Variants in CLMP observed in about 807,000 individuals in gnomAD.
CLMP encodes CXADR-like membrane protein.
CLMP carries 27 observed loss-of-function variants against 45.2 expected under a neutral mutation model. The observed-to-expected ratio is 0.60, with a 90% CI of 0.44 to 0.82. The LOEUF is 0.82. CLMP is among the 40% of genes least tolerant of loss of function. The pLI is 0.00. For missense variants in CLMP, 403 were observed against 448.4 expected, an observed-to-expected ratio of 0.90 and a Z score of 0.91; for synonymous variants, 167 against 171.4, an observed-to-expected ratio of 0.97 and a Z score of 0.20.
chr11:123,105,047 G>A (rs1433043959), intron 1 of CLMP, among the ~76,000 whole-genome samples: 1 of 152,192 alleles, frequency 6.6e-6, no homozygotes, highest in Non-Finnish European at 1.5e-5. Context: ...CAGGGAAGCC[G>A]CAAGCTCTCC....
In CLMP at chr11:123,195,089, C is replaced by T; in HGVS notation, c.-149G>A. ...AGCCATGTGCCGGGCGGGAGCCGGC[C>T]CCGCGCCCCGTGCCCCTGGGGGCAG... is the stretch of plus-strand genomic sequence containing the variant. On this transcript the variant is annotated 5_prime_UTR_variant, in exon 1 of 7. Coordinates refer to ENST00000448775, the MANE Select transcript of CLMP (RefSeq NM_024769.5). 3.7e-6 allele frequency: 2 copies of T among 546,278 alleles called. No homozygotes were observed. The highest frequency in any genetic ancestry group is 2.7e-6 in the Non-Finnish European group (1 of 370,784). 33.8% of individuals were successfully genotyped at this position (546,278 alleles called of 1,614,324 possible).
intron 1 of CLMP, among the ~76,000 whole-genome samples, chr11:123,130,496 C>G (rs970295197): frequency 4.6e-5 from 7 of 152,122 alleles, no homozygotes; most frequent in Admixed American, 6.5e-5. Context: ...TTAAGCAAGT[C>G]AGGAGGGAGA....
At chr11:123,073,876 T>C (rs1049803379) in intron 6 of CLMP, 102 bp from the exon 7 acceptor site, 1 of 1,278,114 alleles carries the variant, frequency 7.8e-7, no homozygotes, top group South Asian at 1.5e-5. Context: ...CCTCAGATAA[T>C]ACCATCGGAA....
In CLMP at chr11:123,115,073, G is replaced by A. The variant is rs553309272; in HGVS notation, c.29-17121C>T. ...AAAGTATATATTGAGACAGGGTCTCGCTCTGTTGCCCAGGCTGAAGTGCAG... is the reference window on the plus strand; with the variant it reads ...AAAGTATATATTGAGACAGGGTCTCACTCTGTTGCCCAGGCTGAAGTGCAG... On this transcript the variant is annotated intron_variant, in intron 1 of 6. Coordinates refer to ENST00000448775, the MANE Select transcript of CLMP (RefSeq NM_024769.5). Among the ~76,000 whole-genome samples the A allele has an allele frequency of 4.6e-5, 7 of 152,176 alleles. No homozygotes were observed. The South Asian group carries it at 6.2e-4, about 14-fold the overall frequency.
chr11:123,123,831 C>T (rs1481809499), intron 1 of CLMP, among the ~76,000 whole-genome samples: 1 of 152,166 alleles, frequency 6.6e-6, no homozygotes, highest in East Asian at 1.9e-4. Flanking sequence ...ACAAAATTGA[C>T]ACTACCTCTA....
rs1282699520 is a variant in CLMP, at chr11:123,073,204, T to C, written c.*270A>G. 5.8e-6 allele frequency: 2 copies of C among 345,512 alleles called. No individual in the cohort carries two copies. Among genetic ancestry groups the C allele is most frequent in the Non-Finnish European group, 1.0e-5 (2 of 191,528 alleles). The allele number at this position is 345,512 out of a possible 1,614,324, so 21.4% of individuals were successfully genotyped here. A position where few individuals can be genotyped will look rare whatever the true frequency, so the allele number is the denominator to read the frequency against. ...TCCCCAACCTTCTCACCACAGGTCC[T>C]GGTCAACAAATAGATTTGGACTCCT... On this transcript the variant is annotated 3_prime_UTR_variant, in exon 7 of 7. Transcript: ENST00000448775.
chr11:123,193,288 C>G (rs565224978), intron 1 of CLMP, among the ~76,000 whole-genome samples: 61 of 152,370 alleles, frequency 4.0e-4, no homozygotes, highest in African/African-American at 1.3e-3. Context: ...ACAAGGATGG[C>G]TGGGCAGCCA....
chr11:123,153,298 C>T (rs1861367630), intron 1 of CLMP, among the ~76,000 whole-genome samples: 1 of 152,170 alleles, frequency 6.6e-6, no homozygotes, highest in Non-Finnish European at 1.5e-5. Flanking sequence ...CTCTCCAAGA[C>T]GGAGGGCTCA....
intron 5 of CLMP, among the ~76,000 whole-genome samples, chr11:123,080,619 G>A (rs953285176): frequency 5.3e-5 from 8 of 152,060 alleles, no homozygotes; most frequent in Non-Finnish European, 1.0e-4. Flanking sequence ...GAGCCACTGC[G>A]CCTCGACAAA....
At chr11:123,086,093 G>A (rs1439267713) in intron 2 of CLMP, among the ~76,000 whole-genome samples, 1 of 150,032 alleles carries the variant, frequency 6.7e-6, no homozygotes, top group African/African-American at 2.5e-5. Context: ...TTTTATTTTA[G>A]TAGAGATGGG....
At chr11:123,108,165 C>T (rs1407138122) in intron 1 of CLMP, among the ~76,000 whole-genome samples, 1 of 152,170 alleles carries the variant, frequency 6.6e-6, no homozygotes, top group Non-Finnish European at 1.5e-5. Flanking sequence ...CTGCCATTTG[C>T]TTTCCCAATC....
intron 1 of CLMP, among the ~76,000 whole-genome samples, chr11:123,156,824 A>T (rs1435105571): frequency 6.6e-6 from 1 of 152,238 alleles, no homozygotes; most frequent in Non-Finnish European, 1.5e-5. Context: ...GCAGCAGTGC[A>T]CATGGCTGCA....
intron 1 of CLMP, among the ~76,000 whole-genome samples, chr11:123,187,959 A>G (rs1420034274): frequency 6.6e-6 from 1 of 152,228 alleles, no homozygotes; most frequent in East Asian, 1.9e-4. Context: ...TATCAGACAC[A>G]GTCCCCGAAG....
At chr11:123,184,775 T>C (rs1218572908) in intron 1 of CLMP, among the ~76,000 whole-genome samples, 1 of 152,196 alleles carries the variant, frequency 6.6e-6, no homozygotes, top group Non-Finnish European at 1.5e-5. Flanking sequence ...GCCAACCTTC[T>C]CCTGGAACGG....
At chr11:123,098,402 A>AT (rs1866015404) in intron 1 of CLMP, among the ~76,000 whole-genome samples, 1 of 151,702 alleles carries the variant, frequency 6.6e-6, no homozygotes, top group Admixed American at 6.6e-5. Context: ...TAATTTTTGT[A>AT]TTTTTAGTAG....
intron 1 of CLMP, among the ~76,000 whole-genome samples, chr11:123,138,034 G>A (rs1360986040): frequency 6.6e-6 from 1 of 150,890 alleles, no homozygotes; most frequent in Non-Finnish European, 1.5e-5. Context: ...GAAACCCTCA[G>A]GGCCCGGGGC....
chr11:123,085,873 T>C (rs1209871720), intron 2 of CLMP, among the ~76,000 whole-genome samples: 1 of 150,766 alleles, frequency 6.6e-6, no homozygotes, highest in African/African-American at 2.4e-5. Context: ...GTCTCCTGGG[T>C]TCAAGCAATT....
In CLMP at chr11:123,073,735, G is replaced by A. The variant is rs746631557; in HGVS notation, c.861C>T (p.Pro287=). 1.2e-6 allele frequency: 2 copies of A among 1,609,992 alleles called. No individual in the cohort carries two copies. Among genetic ancestry groups the A allele is most frequent in the Admixed American group, 1.7e-5 (1 of 59,140 alleles). Residue 287 remains proline, a synonymous_variant, in exon 7 of 7, where the codon CCC becomes CCT. Coordinates refer to ENST00000448775, the MANE Select transcript of CLMP (RefSeq NM_024769.5). ...TCCGAGAGCCTGAGGAAGAGGAGCTGGGTTTCACAAGACGGGCTTTTGGAG... is the reference window on the plus strand; with the variant it reads ...TCCGAGAGCCTGAGGAAGAGGAGCTAGGTTTCACAAGACGGGCTTTTGGAG... ...AEAPKARLVK[P]SSSSSGSRSS... is the part of the protein sequence containing the mutation.
intron 5 of CLMP, among the ~76,000 whole-genome samples, chr11:123,080,887 G>T (rs1865796551): frequency 6.6e-6 from 1 of 152,152 alleles, no homozygotes; most frequent in African/African-American, 2.4e-5. Context: ...GCTCACACCT[G>T]TGATCCCAGC....
Sources: allele counts gnomAD v4.1 joint callset (sites outside exome capture counted in the v4.1 genomes callset), GRCh38; gene constraint gnomAD v4.1.1; transcripts MANE v1.5; gene names NCBI Gene and HGNC (gene_info 2026-07-23, HGNC 2026-07-21).